PEAK1: variants seen among roughly 807,000 people sequenced by gnomAD.
PEAK1 encodes inactive tyrosine-protein kinase PEAK1.
A neutral mutation model predicts 124.7 loss-of-function variants in PEAK1; 54 were observed. The ratio of observed to expected loss-of-function variants is 0.43; its 90% confidence interval spans 0.35 to 0.54. The LOEUF is 0.54. PEAK1 is among the 20% of genes least tolerant of loss of function. The pLI, the probability that PEAK1 is intolerant of heterozygous loss-of-function variation, is 0.01. For missense variants in PEAK1, 2,046 were observed against 2,134.5 expected (o/e 0.96, Z 0.82); for synonymous variants, 719 against 760.0 (o/e 0.95, Z 0.89).
intron 1 of PEAK1, among the ~76,000 whole-genome samples, chr15:77,367,911 G>A (rs2068363213): frequency 6.6e-6 from 1 of 152,140 alleles, no homozygotes; most frequent in Non-Finnish European, 1.5e-5. Context: ...TCAGCTAGAT[G>A]GGGCTTTCAA....
chr15:77,201,301 A>C (rs1252831228), intron 6 of PEAK1, among the ~76,000 whole-genome samples: 1 of 147,850 alleles, frequency 6.8e-6, no homozygotes, highest in Non-Finnish European at 1.5e-5. Context: ...GCAGTGTTGA[A>C]ATCTCAGCTC....
chr15:77,292,516 A>C (rs1240946977), intron 2 of PEAK1, among the ~76,000 whole-genome samples: 1 of 152,096 alleles, frequency 6.6e-6, no homozygotes, highest in Non-Finnish European at 1.5e-5. Flanking sequence ...AGAAAATGTG[A>C]AAAATGTGGC....
At chr15:77,124,531 A>G (rs2052207277) in intron 9 of PEAK1, among the ~76,000 whole-genome samples, 1 of 152,266 alleles carries the variant, frequency 6.6e-6, no homozygotes, top group African/African-American at 2.4e-5. Flanking sequence ...CCCTAATCCC[A>G]TACTCACCAG....
chr15:77,331,684 T>G (rs943097452), intron 2 of PEAK1, among the ~76,000 whole-genome samples: 1 of 152,050 alleles, frequency 6.6e-6, no homozygotes, highest in African/African-American at 2.4e-5. Context: ...TGGCACGATC[T>G]CAGCTCACTG....
chr15:77,178,673 C>T (rs2057036567), intron 7 of PEAK1, 117 bp downstream of exon 7: 1 of 966,820 alleles, frequency 1.0e-6, no homozygotes, highest in Admixed American at 2.7e-5. Context: ...AGATGATGGC[C>T]ACAGAGTGCT....
intron 9 of PEAK1, among the ~76,000 whole-genome samples, chr15:77,125,478 CTG>C (rs750849074): frequency 3.4e-4 from 51 of 149,400 alleles, no homozygotes; most frequent in Middle Eastern, 3.4e-3. Flanking sequence ...GCTCTCAGCA[CTG>C]TGTGTGTGTG....
chr15:77,302,793 C>A (rs1166591113), intron 2 of PEAK1, among the ~76,000 whole-genome samples: 1 of 152,144 alleles, frequency 6.6e-6, no homozygotes, highest in African/African-American at 2.4e-5. Context: ...AAAATTTGTA[C>A]ACATTAAGAT....
At position 77,133,257 on chromosome 15, in the gene PEAK1, T is replaced by C; in HGVS notation, c.3825A>G (p.Ala1275=). 1 of 1,614,242 alleles carries C rather than the reference T, an allele frequency of 6.2e-7. No homozygotes were observed. The highest frequency in any genetic ancestry group is 8.5e-7 in the Non-Finnish European group (1 of 1,180,026). Residue 1275 remains alanine, a synonymous_variant, in exon 9 of 10, where the codon GCA becomes GCG. Transcript: ENST00000682557. The surrounding 1 kb of genome is among the most constrained non-coding windows in gnomAD (Gnocchi z 4.2). ...GRGIQKPQRQ[A]LYRGLENREE... The stretch of plus-strand genomic sequence containing the variant: ...CCCGATTCTCAAGTCCTCGATAAAG[T>C]GCTTGTCTCTGCGGCTTCTGGATGC...
intron 1 of PEAK1, chr15:77,403,069 T>G (rs1020388588): frequency 1.9e-5 from 19 of 985,316 alleles, no homozygotes; most frequent in Non-Finnish European, 2.3e-5. Context: ...AAGATGGAGT[T>G]TCTCTCATCA....
intron 2 of PEAK1, among the ~76,000 whole-genome samples, chr15:77,298,288 G>A (rs1338583333): frequency 8.4e-6 from 1 of 119,276 alleles, no homozygotes; most frequent in Admixed American, 1.1e-4. Flanking sequence ...GCACAATCTC[G>A]GCTCACTGCA....
intron 2 of PEAK1, among the ~76,000 whole-genome samples, chr15:77,318,144 G>A (rs1436157158): frequency 6.6e-6 from 1 of 151,600 alleles, no homozygotes; most frequent in Non-Finnish European, 1.5e-5. Flanking sequence ...ATCTACACAG[G>A]TAACAAAATT....
chr15:77,336,198 G>A, intron 2 of PEAK1: 1 of 985,398 alleles, frequency 1.0e-6, no homozygotes, highest in South Asian at 4.7e-5. Context: ...AGCTTCAGGG[G>A]CAGAGAATCA....
chr15:77,181,765 G>A lies in PEAK1; in HGVS notation c.162C>T (p.Arg54=). Residue 54 remains arginine (R), a synonymous_variant, in exon 7 of 10, where the codon CGC becomes CGT. Coordinates refer to ENST00000682557, the MANE Select transcript of PEAK1 (RefSeq NM_001385026.1). ...GCCGGAAATTGCCCGTGTTCCTGATGCGGTGGTTGTTACTGTGATTGGCAT... is the reference window on the plus strand; with the variant it reads ...GCCGGAAATTGCCCGTGTTCCTGATACGGTGGTTGTTACTGTGATTGGCAT... The part of the protein sequence containing the change: ...KTNANHSNNH[R]IRNTGNFRPP... 1 of 1,614,112 alleles carries A rather than the reference G, an allele frequency of 6.2e-7. No homozygotes were observed. Among genetic ancestry groups the A allele is most frequent in the East Asian group, 2.2e-5 (1 of 44,882 alleles).
intron 2 of PEAK1, chr15:77,346,278 A>G (rs1026464212): frequency 2.1e-5 from 20 of 939,756 alleles, no homozygotes; most frequent in Non-Finnish European, 2.4e-5. Flanking sequence ...CTTGACTCAG[A>G]ATTCAAATTG....
At chr15:77,355,821 G>A (rs1239871886) in intron 2 of PEAK1, 2 of 985,138 alleles carry the variant, frequency 2.0e-6, no homozygotes, top group Non-Finnish European at 1.2e-6. Context: ...AATTATAATA[G>A]AAAAACTGCT....
At chr15:77,216,854 T>C (rs1054044961) in intron 6 of PEAK1, among the ~76,000 whole-genome samples, 2 of 152,118 alleles carry the variant, frequency 1.3e-5, no homozygotes, top group African/African-American at 2.4e-5. Context: ...TTAATGGAAA[T>C]TTTAAACAAG....
intron 6 of PEAK1, among the ~76,000 whole-genome samples, chr15:77,228,569 T>C (rs150791337): frequency 9.9e-5 from 15 of 152,224 alleles, no homozygotes; most frequent in African/African-American, 3.4e-4. Context: ...TATCACACCT[T>C]TGCCCAGAAC....
At chr15:77,209,280 A>G (rs1406910657) in intron 6 of PEAK1, among the ~76,000 whole-genome samples, 3 of 152,212 alleles carry the variant, frequency 2.0e-5, no homozygotes, top group African/African-American at 7.2e-5. Flanking sequence ...TCTAAACACT[A>G]GCAAACGGAG....
chr15:77,419,852 G>T (rs1427562326), intron 1 of PEAK1, among the ~76,000 whole-genome samples, 154 bp downstream of exon 1: 1 of 148,800 alleles, frequency 6.7e-6, no homozygotes, highest in South Asian at 2.1e-4. Context: ...CCCGGCGGCG[G>T]CGCCACCCAG....
Sources: allele counts gnomAD v4.1 joint callset (sites outside exome capture counted in the v4.1 genomes callset), GRCh38; gene constraint gnomAD v4.1.1; non-coding constraint Gnocchi (gnomAD v3.1); transcripts MANE v1.5; gene names NCBI Gene and HGNC (gene_info 2026-07-23, HGNC 2026-07-21).